DOP1A: variants seen among roughly 807,000 people sequenced by gnomAD.
The protein encoded by DOP1A is DOP1 leucine zipper like protein A.
In DOP1A, 90 loss-of-function variants were observed where a neutral mutation model predicts 267.6. The ratio of observed to expected loss-of-function variants is 0.34; its 90% CI spans 0.28 to 0.40. The LOEUF (loss-of-function observed/expected upper bound fraction) is 0.40. Among genes scored for constraint, DOP1A ranks in the 10% least tolerant of loss-of-function variants. The probability of loss-of-function intolerance (pLI) is 1.00; values close to 1 mark genes in which losing one functional copy is unlikely to be tolerated. For missense variants in DOP1A, 2,437 were observed against 2,900.4 expected (o/e 0.84, Z 3.67); for synonymous variants, 932 against 999.1 (o/e 0.93, Z 1.27).
intron 37 of DOP1A, 97 bp downstream of exon 37, chr6:83,160,057 T>C: frequency 1.7e-6 from 2 of 1,159,334 alleles, no homozygotes; most frequent in Non-Finnish European, 2.5e-6. Context: ...TTGTGTAAGT[T>C]GAAATATTCC....
chr6:83,127,106 T>C (rs995676818), intron 15 of DOP1A, among the ~76,000 whole-genome samples: 3 of 152,168 alleles, frequency 2.0e-5, no homozygotes, highest in Admixed American at 1.3e-4. Context: ...ATCAAAAGGC[T>C]GATCTTAGGT....
At chr6:83,087,161 G>C (rs1252289410) in intron 1 of DOP1A, among the ~76,000 whole-genome samples, 1 of 152,142 alleles carries the variant, frequency 6.6e-6, no homozygotes, top group Non-Finnish European at 1.5e-5. Flanking sequence ...ATTTGTTGGA[G>C]GGAAGGTAAG....
At chr6:83,081,955 C>T (rs1233894083) in intron 1 of DOP1A, among the ~76,000 whole-genome samples, 2 of 152,118 alleles carry the variant, frequency 1.3e-5, no homozygotes, top group African/African-American at 4.8e-5. Flanking sequence ...CATCAGGTAA[C>T]TGCAAATCAA....
chr6:83,084,323 A>G (rs1768679583), intron 1 of DOP1A, among the ~76,000 whole-genome samples: 1 of 152,194 alleles, frequency 6.6e-6, no homozygotes. Flanking sequence ...AGGTTATACC[A>G]TATAGCCAGG....
chr6:83,159,981 T>C (rs759527547), intron 37 of DOP1A, 21 bp downstream of exon 37: 1 of 1,610,942 alleles, frequency 6.2e-7, no homozygotes. Flanking sequence ...GCAAGGATAT[T>C]AAATGGTTAT....
chr6:83,142,470 T>C (rs894138974), intron 24 of DOP1A, among the ~76,000 whole-genome samples: 3 of 152,054 alleles, frequency 2.0e-5, no homozygotes, highest in East Asian at 1.9e-4. Flanking sequence ...ATCATGCCAC[T>C]GCACTCCAGC....
At chr6:83,156,131 T>C in intron 34 of DOP1A, 28 bp downstream of exon 34, 1 of 1,581,908 alleles carries the variant, frequency 6.3e-7, no homozygotes, top group Non-Finnish European at 8.6e-7. Context: ...CTTTATTTTT[T>C]CTCTAACTAC....
At chr6:83,080,963 AAAAC>A (rs904650303) in intron 1 of DOP1A, among the ~76,000 whole-genome samples, 58 of 152,204 alleles carry the variant, frequency 3.8e-4, no homozygotes, top group Admixed American at 4.6e-4. Context: ...CTTGAGCAAA[AAAAC>A]AAAGCTGGAG....
In DOP1A at chr6:83,137,847, C is replaced by A; in HGVS notation, c.3805C>A (p.Gln1269Lys). ...KSRQRSHSSI[Q>K]FSFKEKLSEK... ...TAGACAAAGGAGTCACAGTAGTATT[C>A]AATTCAGCTTCAAAGAAAAATTATC... The change falls in exon 21 of 39, where the codon CAA becomes AAA. Residue 1269 changes from glutamine to lysine, a missense_variant. Gln to Lys is a moderately conservative substitution (Grantham distance 53, BLOSUM62 1). Coordinates refer to ENST00000349129, the MANE Select transcript of DOP1A (RefSeq NM_015018.4). The A allele has an allele frequency of 6.2e-7, 1 of 1,613,578 alleles. No individual in the cohort carries two copies. The highest frequency in any genetic ancestry group is 1.1e-5 in the South Asian group (1 of 91,052).
chr6:83,097,187 C>G, intron 3 of DOP1A, 72 bp downstream of exon 3: 19 of 1,492,100 alleles, frequency 1.3e-5, no homozygotes, highest in Non-Finnish European at 1.6e-5. Context: ...TTAGATTTCT[C>G]GAAATCTTGA....
Position 83,137,731 on chromosome 6 carries a change from A to C in DOP1A, c.3689A>C (p.Asn1230Thr). 6.2e-7 allele frequency: 1 copy of C among 1,613,700 alleles called. No individual in the cohort carries two copies. Residue 1230 changes from asparagine to threonine, a missense_variant, in exon 21 of 39, where the codon AAT (asparagine) becomes ACT (threonine). Around this residue, in one of 9 missense-constraint regions of DOP1A, gnomAD observed 878 missense variants for 992.9 expected, o/e 0.88. Coordinates refer to ENST00000349129, the MANE Select transcript of DOP1A (RefSeq NM_015018.4). ...SAEGGHECVA[N>T]GISRNSSSPC... ...GAGGGAGGCCATGAGTGTGTGGCAA[A>C]TGGAATCTCCAGGAATAGCTCCTCA... is the stretch of plus-strand genomic sequence containing the variant.
intron 4 of DOP1A, among the ~76,000 whole-genome samples, chr6:83,107,161 T>G (rs906435899): frequency 2.0e-5 from 3 of 151,042 alleles, no homozygotes; most frequent in Non-Finnish European, 3.0e-5. Context: ...GTTGTTGCTG[T>G]TTTTTTTTCT....
intron 30 of DOP1A, 61 bp downstream of exon 30, chr6:83,152,428 C>A: frequency 1.3e-6 from 1 of 756,582 alleles, no homozygotes; most frequent in Non-Finnish European, 2.0e-6. Context: ...TAAAAATTAG[C>A]AAGTAATTTT....
chr6:83,159,767 C>G lies in DOP1A; in HGVS notation c.6798-29C>G, dbSNP rs749629783. 3 of 1,613,718 alleles carry G rather than the reference C, an allele frequency of 1.9e-6. No individual in the cohort carries two copies. The South Asian group carries it at 3.3e-5, about 18-fold the overall frequency. ...AATTCCTGTGAGTAAATGGGTCCAG[C>G]TGCTGACAGCACTGTCTCCTGCTTA... On this transcript the variant is annotated intron_variant, in intron 36 of 38. Transcript: ENST00000349129.
At chr6:83,109,216 A>T in intron 5 of DOP1A, 136 bp downstream of exon 5, 2 of 727,814 alleles carry the variant, frequency 2.7e-6, no homozygotes, top group Non-Finnish European at 4.4e-6. Context: ...TTTCTATAGC[A>T]ATGAAACATT....
rs201950236 is a variant in DOP1A at position 83,151,863 on chromosome 6, G to C, written c.5905-20G>C. 1 of 1,611,642 alleles carries C rather than the reference G, an allele frequency of 6.2e-7. No homozygotes were observed. The highest frequency in any genetic ancestry group is 2.2e-5 in the East Asian group (1 of 44,818). ...GTGCATGTGTGTACCATACATAGTT[G>C]TTCTTCCTTATTTTTTTAGGATGTA... On this transcript the variant is annotated intron_variant, in intron 28 of 38. Coordinates refer to ENST00000349129, the MANE Select transcript of DOP1A (RefSeq NM_015018.4).
At chr6:83,123,793 T>C (rs1328056011) in intron 12 of DOP1A, among the ~76,000 whole-genome samples, 1 of 152,114 alleles carries the variant, frequency 6.6e-6, no homozygotes, top group African/African-American at 2.4e-5. Flanking sequence ...TACAAATGTC[T>C]TAATAGATTA....
rs573025673 is a variant in DOP1A at position 83,128,499 on chromosome 6, C to A, written c.1720-388C>A. Among the ~76,000 whole-genome samples, 5 of 152,242 alleles carry A rather than the reference C, an allele frequency of 3.3e-5. No individual in the cohort carries two copies. The South Asian group carries it at 8.3e-4, about 25-fold the overall frequency. On this transcript the variant is annotated intron_variant, in intron 15 of 38. Transcript: ENST00000349129. ...CAATAAAAATTTCACATTCATGTGG[C>A]CCTGAACAGATGACCTATTAGATTT...
At chr6:83,068,189 C>G (rs1467809416) in intron 1 of DOP1A, among the ~76,000 whole-genome samples, 1 of 152,134 alleles carries the variant, frequency 6.6e-6, no homozygotes, top group Non-Finnish European at 1.5e-5. Flanking sequence ...TTGAAGGAAT[C>G]GAGGCGTTGT....
Sources: gnomAD v4.1 joint callset for allele counts (sites outside exome capture counted in the v4.1 genomes callset) on GRCh38, gnomAD v4.1.1 for gene constraint, gnomAD v4.1.1 regional missense constraint, MANE v1.5 for transcripts, NCBI Gene and HGNC (gene_info 2026-07-23, HGNC 2026-07-21) for gene names.